JAKMIP2: variants seen among roughly 807,000 people sequenced by gnomAD.
JAKMIP2 encodes the protein janus kinase and microtubule interacting protein 2.
JAKMIP2 carries 25 observed loss-of-function variants against 115.0 expected under a neutral mutation model. That is an observed-to-expected ratio of 0.22 (90% CI 0.16 to 0.30). The LOEUF (loss-of-function observed/expected upper bound fraction) is 0.30. Ranked by LOEUF, JAKMIP2 falls within the 10% of genes least tolerant of loss-of-function variation. JAKMIP2 has a pLI of 1.00. For missense variants in JAKMIP2, 642 were observed against 957.6 expected, an observed-to-expected ratio of 0.67 and a Z score of 4.35; for synonymous variants, 334 against 343.6, an observed-to-expected ratio of 0.97 and a Z score of 0.31.
chr5:147,674,033 T>G (rs1174000502), intron 1 of JAKMIP2, among the ~76,000 whole-genome samples: 4 of 152,144 alleles, frequency 2.6e-5, no homozygotes, highest in African/African-American at 9.7e-5. Context: ...TGTATATACA[T>G]ACAACACTTT....
At chr5:147,634,136 C>T (rs755448854) in intron 12 of JAKMIP2, among the ~76,000 whole-genome samples, 1 of 152,154 alleles carries the variant, frequency 6.6e-6, no homozygotes. Flanking sequence ...GGCCTTTTTA[C>T]CATAGCACGA....
intron 21 of JAKMIP2, among the ~76,000 whole-genome samples, chr5:147,597,024 C>A (rs191701702): frequency 2.1e-4 from 30 of 144,926 alleles, no homozygotes; most frequent in African/African-American, 7.4e-4. Flanking sequence ...AGGCACGGAC[C>A]ACCATGCCTG....
intron 1 of JAKMIP2, among the ~76,000 whole-genome samples, chr5:147,700,638 T>C (rs557795343): frequency 1.3e-5 from 2 of 152,264 alleles, no homozygotes; most frequent in African/African-American, 4.8e-5. Context: ...TGTTTCCCCA[T>C]TTTGTCACTA....
At chr5:147,623,583 T>G in intron 17 of JAKMIP2, 38 bp downstream of exon 17, 1 of 1,386,108 alleles carries the variant, frequency 7.2e-7, no homozygotes, top group Non-Finnish European at 1.0e-6. Flanking sequence ...GCCTTGTAAG[T>G]TTTTCTTAAT....
intron 1 of JAKMIP2, among the ~76,000 whole-genome samples, chr5:147,779,340 A>G (rs987342901): frequency 5.3e-5 from 8 of 152,132 alleles, no homozygotes; most frequent in Admixed American, 5.2e-4. Flanking sequence ...CATTTTTAAG[A>G]TAGCATTTGA....
rs1455718894 is a variant in JAKMIP2, at chr5:147,640,740, G to A, written c.1365C>T (p.Asp455=). The part of the protein sequence containing the change: ...ETSSMASFRT[D]RTPATPDDDL... ...CATCATCAGGAGTAGCTGGTGTTCT[G>A]TCTGTTCTAAATGAGGCCATGGATG... Residue 455 remains aspartate (D), a synonymous_variant, in exon 9 of 22, where the codon GAC becomes GAT. Coordinates refer to ENST00000616793, the MANE Select transcript of JAKMIP2 (RefSeq NM_001270941.2). 2 of 1,613,580 alleles carry A rather than the reference G, an allele frequency of 1.2e-6. No individual in the cohort carries two copies. Among genetic ancestry groups the A allele is most frequent in the Non-Finnish European group, 1.7e-6 (2 of 1,179,754 alleles).
chr5:147,644,455 C>T (rs1445854188), intron 6 of JAKMIP2, among the ~76,000 whole-genome samples: 2 of 152,148 alleles, frequency 1.3e-5, no homozygotes, highest in African/African-American at 4.8e-5. Context: ...CACTTGTCCG[C>T]ATATAACACA....
At chr5:147,689,675 C>T (rs1210281777) in intron 1 of JAKMIP2, among the ~76,000 whole-genome samples, 5 of 152,146 alleles carry the variant, frequency 3.3e-5, no homozygotes, top group African/African-American at 1.2e-4. Flanking sequence ...TCACTCTAAG[C>T]AGGGCATTGT....
chr5:147,676,464 G>A (rs933835061), intron 1 of JAKMIP2, among the ~76,000 whole-genome samples: 1 of 152,230 alleles, frequency 6.6e-6, no homozygotes, highest in African/African-American at 2.4e-5. Flanking sequence ...AGGAAGGATA[G>A]GAGCCTTGTT....
chr5:147,646,968 A>G (rs1356976430), intron 5 of JAKMIP2, among the ~76,000 whole-genome samples: 1 of 151,962 alleles, frequency 6.6e-6, no homozygotes, highest in Non-Finnish European at 1.5e-5. Context: ...AGACAAAAAT[A>G]TCAGTAAGAA....
At chr5:147,700,419 G>A (rs1752277892) in intron 1 of JAKMIP2, among the ~76,000 whole-genome samples, 1 of 151,568 alleles carries the variant, frequency 6.6e-6, no homozygotes, top group Admixed American at 6.6e-5. Flanking sequence ...TCAATAGTAG[G>A]AACAAAAAGA....
At chr5:147,718,146 C>T (rs1753094305) in intron 1 of JAKMIP2, among the ~76,000 whole-genome samples, 1 of 150,520 alleles carries the variant, frequency 6.6e-6, no homozygotes, top group Non-Finnish European at 1.5e-5. Flanking sequence ...TGCTAGATTA[C>T]ATTTATTGAT....
At chr5:147,720,860 T>C (rs1753245958) in intron 1 of JAKMIP2, among the ~76,000 whole-genome samples, 1 of 152,248 alleles carries the variant, frequency 6.6e-6, no homozygotes, top group African/African-American at 2.4e-5. Context: ...GTCAAAGTCA[T>C]TCTCCGTCCA....
intron 12 of JAKMIP2, among the ~76,000 whole-genome samples, chr5:147,633,030 T>G (rs980524328): frequency 6.6e-6 from 1 of 152,220 alleles, no homozygotes; most frequent in Non-Finnish European, 1.5e-5. Flanking sequence ...CTAGGAATTC[T>G]GTGAATAGTG....
In JAKMIP2 at chr5:147,611,990, G is replaced by T. The variant is rs866005303; in HGVS notation, c.2412+316C>A. Reference sequence around the variant, plus strand: ...GTGCTAAAAGATTTTTTTAAAAAAAGAGCAAAGTAGGGTAACAAAACTTGA... The same window carrying T: ...GTGCTAAAAGATTTTTTTAAAAAAATAGCAAAGTAGGGTAACAAAACTTGA... On this transcript the variant is annotated intron_variant, in intron 20 of 21. Coordinates refer to ENST00000616793, the MANE Select transcript of JAKMIP2 (RefSeq NM_001270941.2). 4 of 452,980 alleles carry T rather than the reference G, an allele frequency of 8.8e-6. No homozygotes were observed. In the Middle Eastern group the frequency reaches 1.3e-3, roughly 147 times the overall value. The allele number at this position is 452,980 out of a possible 1,614,324, so 28.1% of individuals were successfully genotyped here.
intron 1 of JAKMIP2, among the ~76,000 whole-genome samples, chr5:147,720,390 T>C (rs1753219208): frequency 6.7e-6 from 1 of 149,542 alleles, no homozygotes; most frequent in African/African-American, 2.5e-5. Context: ...ATCTGAACGT[T>C]GGCCTGCCTT....
chr5:147,666,077 A>G (rs946622654), intron 2 of JAKMIP2, among the ~76,000 whole-genome samples: 1 of 152,190 alleles, frequency 6.6e-6, no homozygotes, highest in African/African-American at 2.4e-5. Flanking sequence ...AACATTTGAC[A>G]TGTTTTTATG....
chr5:147,739,353 CAGG>C (rs941576506), intron 1 of JAKMIP2, among the ~76,000 whole-genome samples: 2 of 152,134 alleles, frequency 1.3e-5, no homozygotes, highest in Non-Finnish European at 2.9e-5. Flanking sequence ...ATTTATGCCA[CAGG>C]AGGAGAAAAG....
intron 1 of JAKMIP2, among the ~76,000 whole-genome samples, chr5:147,738,660 ACAAT>A (rs746126310): frequency 3.9e-5 from 6 of 152,168 alleles, no homozygotes; most frequent in Non-Finnish European, 7.3e-5. Context: ...AAAAAGTTTC[ACAAT>A]CAATTTATAA....
Sources: gnomAD v4.1 joint callset for allele counts (sites outside exome capture counted in the v4.1 genomes callset) on GRCh38, gnomAD v4.1.1 for gene constraint, MANE v1.5 for transcripts, NCBI Gene and HGNC (gene_info 2026-07-23, HGNC 2026-07-21) for gene names.